Variants in MTMR8 observed in about 807,000 individuals in gnomAD.
MTMR8 encodes the protein myotubularin related protein 8, also known as phosphatidylinositol-3,5-bisphosphate 3-phosphatase MTMR8.
In MTMR8, 65 loss-of-function variants were observed where a neutral mutation model predicts 39.3. The ratio of observed to expected loss-of-function variants is 1.65; its 90% CI spans 1.35 to 2.03. The LOEUF is 2.03. Ranked by LOEUF, MTMR8 falls within the 30% of genes most tolerant of loss-of-function variation. The probability of loss-of-function intolerance (pLI) is 0.00; values close to 1 mark genes in which losing one functional copy is unlikely to be tolerated. For missense variants in MTMR8, 777 were observed against 538.9 expected, an observed-to-expected ratio of 1.44 and a Z score of -4.37; for synonymous variants, 245 against 185.2, an observed-to-expected ratio of 1.32 and a Z score of -2.62.
At chrX:64,324,814 C>CA (rs758476355) in intron 12 of MTMR8, among the ~76,000 whole-genome samples, 1,536 of 27,741 alleles carry the variant, frequency 0.055, 11 homozygotes, top group East Asian at 0.12. Context: ...TGTTGCTCAC[C>CA]AAAAAAAAAA....
At chrX:64,375,047 C>CAA (rs34716248) in intron 1 of MTMR8, among the ~76,000 whole-genome samples, 62 of 55,979 alleles carry the variant, frequency 1.1e-3, no homozygotes, top group East Asian at 1.2e-3. Context: ...TTGTTTTAAG[C>CAA]AAAAAAAAAA....
chrX:64,303,859 T>C (rs1200282297), intron 12 of MTMR8, among the ~76,000 whole-genome samples: 2 of 112,200 alleles, frequency 1.8e-5, no homozygotes, highest in African/African-American at 6.5e-5. Flanking sequence ...CAACAAAATC[T>C]GAAAATGAAC....
At chrX:64,318,777 G>A (rs112997038) in intron 12 of MTMR8, among the ~76,000 whole-genome samples, 8,235 of 95,309 alleles carry the variant, frequency 0.086, 986 homozygotes, top group African/African-American at 0.32. Flanking sequence ...GTGCAATCTT[G>A]GCTTACTGCA....
intron 12 of MTMR8, among the ~76,000 whole-genome samples, chrX:64,276,789 A>G (rs755490486): frequency 2.7e-5 from 3 of 111,817 alleles, no homozygotes; most frequent in African/African-American, 6.5e-5. Context: ...GTAGATGTCT[A>G]TTAGGTAGGC....
chrX:64,291,424 T>A (rs1422699345), intron 12 of MTMR8, among the ~76,000 whole-genome samples: 1 of 110,975 alleles, frequency 9.0e-6, no homozygotes, highest in Non-Finnish European at 1.9e-5. Flanking sequence ...CCCTCTGATA[T>A]TCCTCTTTCT....
chrX:64,290,063 G>C (rs754432325), intron 12 of MTMR8, among the ~76,000 whole-genome samples: 4 of 110,655 alleles, frequency 3.6e-5, no homozygotes, highest in Non-Finnish European at 7.6e-5. Context: ...AGATGAAAAA[G>C]TTCTAAAGAT....
chrX:64,280,622 C>T (rs1329883092), intron 12 of MTMR8, among the ~76,000 whole-genome samples: 1 of 111,506 alleles, frequency 9.0e-6, no homozygotes, highest in Non-Finnish European at 1.9e-5. Context: ...GAAGCATTCC[C>T]TTTGAATATA....
chrX:64,370,050 G>A (rs1924087318), intron 1 of MTMR8, among the ~76,000 whole-genome samples: 1 of 110,693 alleles, frequency 9.0e-6, no homozygotes, highest in African/African-American at 3.3e-5. Context: ...ATGGGGGAGT[G>A]GAATGGGAAA....
At position 64,268,732 on chromosome X, in the gene MTMR8, CAT is replaced by C; in HGVS notation, c.1918_1919del (p.Met640ValfsTer4). The C allele has an allele frequency of 4.1e-6, 5 of 1,211,761 alleles. No individual in the cohort carries two copies. Among genetic ancestry groups the C allele is most frequent in the Non-Finnish European group, 5.6e-6 (5 of 895,527 alleles). ...AGAAGCCCGTAGCCTCAAAGGTGCA[CAT>C]GTCTCCAGAGATGCCCATGGCCTCA... ...ISEAMGISGD[M>X]CTFEATGFSK... On this transcript the variant is annotated frameshift_variant, in exon 14 of 14. Transcript: ENST00000374852. LOFTEE classifies it low-confidence loss of function (END_TRUNC).
At chrX:64,364,644 C>A (rs1294788384) in intron 1 of MTMR8, among the ~76,000 whole-genome samples, 1 of 111,813 alleles carries the variant, frequency 8.9e-6, no homozygotes, top group Admixed American at 9.5e-5. Flanking sequence ...GATAAAACCA[C>A]AAAGATGGGG....
At chrX:64,369,980 T>C (rs1364250714) in intron 1 of MTMR8, among the ~76,000 whole-genome samples, 1 of 111,512 alleles carries the variant, frequency 9.0e-6, no homozygotes, top group African/African-American at 3.3e-5. Context: ...ACAACTATCA[T>C]GTTTTGAAAG....
intron 12 of MTMR8, among the ~76,000 whole-genome samples, chrX:64,320,513 C>A (rs1340996336): frequency 1.8e-5 from 2 of 110,682 alleles, no homozygotes; most frequent in African/African-American, 3.3e-5. Flanking sequence ...CACCTTGGAA[C>A]TTTCTCAGAG....
chrX:64,392,148 C>T (rs1924705772), intron 1 of MTMR8, among the ~76,000 whole-genome samples: 1 of 111,625 alleles, frequency 9.0e-6, no homozygotes, highest in East Asian at 2.8e-4. Context: ...TGTTCTCATA[C>T]ATAGGTCGTG....
chrX:64,318,835 G>T (rs1922549248), intron 12 of MTMR8, among the ~76,000 whole-genome samples: 1 of 108,321 alleles, frequency 9.2e-6, no homozygotes, highest in African/African-American at 3.4e-5. Context: ...AGCCTCCCAA[G>T]TAGCTGGGGT....
intron 1 of MTMR8, among the ~76,000 whole-genome samples, chrX:64,361,017 G>A (rs1475749330): frequency 9.0e-6 from 1 of 110,950 alleles, no homozygotes; most frequent in Non-Finnish European, 1.9e-5. Context: ...ATTTCAAAAG[G>A]TTAATAGGAT....
intron 12 of MTMR8, among the ~76,000 whole-genome samples, chrX:64,319,500 T>A (rs1435786830): frequency 2.7e-5 from 3 of 112,196 alleles, no homozygotes; most frequent in Non-Finnish European, 5.6e-5. Flanking sequence ...CTGAATGGTA[T>A]TGCCTAGGTT....
chrX:64,362,101 G>C (rs1271218132), intron 1 of MTMR8, among the ~76,000 whole-genome samples: 1 of 109,607 alleles, frequency 9.1e-6, no homozygotes, highest in Non-Finnish European at 1.9e-5. Flanking sequence ...ATAGAATCTA[G>C]AAATTAGCTT....
chrX:64,294,634 T>C (rs1217542922), intron 12 of MTMR8, among the ~76,000 whole-genome samples: 1 of 111,719 alleles, frequency 9.0e-6, no homozygotes, highest in African/African-American at 3.3e-5. Context: ...CTCACAGTCA[T>C]GGAGGCTAGG....
chrX:64,365,334 G>T (rs1362134536), intron 1 of MTMR8, among the ~76,000 whole-genome samples: 3 of 109,574 alleles, frequency 2.7e-5, no homozygotes, highest in Non-Finnish European at 5.7e-5. Context: ...CTACATGAAG[G>T]AAAAAATGTT....
Sources: allele counts gnomAD v4.1 joint callset (sites outside exome capture counted in the v4.1 genomes callset), GRCh38; gene constraint gnomAD v4.1.1; transcripts MANE v1.5; gene names NCBI Gene and HGNC (gene_info 2026-07-23, HGNC 2026-07-21).